Variants in DOCK5 observed in about 807,000 individuals in gnomAD.
DOCK5 encodes the protein dedicator of cytokinesis 5.
In DOCK5, 142 loss-of-function variants were observed where a neutral mutation model predicts 251.8. That is an observed-to-expected ratio of 0.56 (90% CI 0.49 to 0.65). DOCK5 has a LOEUF of 0.65. Among genes scored for constraint, DOCK5 ranks in the 30% least tolerant of loss-of-function variants. The probability of loss-of-function intolerance (pLI) is 0.00; values close to 1 mark genes in which losing one functional copy is unlikely to be tolerated. For missense variants in DOCK5, 2,111 were observed against 2,312.3 expected (o/e 0.91, Z 1.79); for synonymous variants, 842 against 835.5 (o/e 1.01, Z -0.13).
chr8:25,305,185 G>T (rs1320391260), intron 11 of DOCK5: 1 of 151,406 alleles, frequency 6.6e-6, no homozygotes, highest in Admixed American at 6.6e-5. Flanking sequence ...CTGCAGACAA[G>T]TAGAACAAAC....
rs59239520 is a variant in DOCK5 at position 25,331,801 on chromosome 8, TAGAGAGAGAGAGAG to T, written c.1904-422_1904-409del. ...TAATGCATATATATATATATATATA[TAGAGAGAGAGAGAG>T]AGAGAGAGAGAGAGAGAGAGAGAGA... On this transcript the variant is annotated intron_variant, in intron 18 of 51. Transcript: ENST00000276440. Among the ~76,000 whole-genome samples, 782 of 118,316 alleles carry T rather than the reference TAGAGAGAGAGAGAG, an allele frequency of 6.6e-3. 5 individuals carry two copies. Among genetic ancestry groups the T allele is most frequent in the Middle Eastern group, 0.018 (4 of 218 alleles). The allele number at this position is 118,316 out of a possible 152,430, so 77.6% of individuals were successfully genotyped here.
In DOCK5 at chr8:25,369,548, A is replaced by C; in HGVS notation, c.3439-8A>C. 1 of 1,604,746 alleles carries C rather than the reference A, an allele frequency of 6.2e-7. No individual in the cohort carries two copies. Among genetic ancestry groups the C allele is most frequent in the Non-Finnish European group, 8.5e-7 (1 of 1,175,370 alleles). ...CATTATCCTGTGAAATTCTGCCTCTACTTTCAGTTTGAGAATGAGCTGATC... is the reference window on the plus strand; with the variant it reads ...CATTATCCTGTGAAATTCTGCCTCTCCTTTCAGTTTGAGAATGAGCTGATC... On this transcript the variant is annotated splice_region_variant and splice_polypyrimidine_tract_variant and intron_variant, in intron 33 of 51. Transcript: ENST00000276440.
intron 18 of DOCK5, among the ~76,000 whole-genome samples, chr8:25,331,765 T>C (rs1805684993): frequency 6.7e-6 from 1 of 149,752 alleles, no homozygotes; most frequent in African/African-American, 2.5e-5. Flanking sequence ...AGTCATGATG[T>C]TGAAATAAAT....
At chr8:25,298,326 A>C (rs1407249443) in intron 7 of DOCK5, among the ~76,000 whole-genome samples, 2 of 152,120 alleles carry the variant, frequency 1.3e-5, no homozygotes, top group African/African-American at 4.8e-5. Context: ...TTTATCCAGG[A>C]TAATGGATCA....
chr8:25,276,816 A>C (rs758047352), intron 4 of DOCK5: 2 of 152,172 alleles, frequency 1.3e-5, no homozygotes, highest in Non-Finnish European at 2.9e-5. Flanking sequence ...AAGGCAGTGA[A>C]ATTGGTAACA....
chr8:25,204,376 T>G (rs1801949243), intron 1 of DOCK5, among the ~76,000 whole-genome samples: 1 of 152,176 alleles, frequency 6.6e-6, no homozygotes, highest in Non-Finnish European at 1.5e-5. Context: ...CAGTCTCTGT[T>G]ACAGGAGTGA....
At chr8:25,276,642 C>A (rs1804047808) in intron 4 of DOCK5, among the ~76,000 whole-genome samples, 1 of 151,926 alleles carries the variant, frequency 6.6e-6, no homozygotes, top group Admixed American at 6.6e-5. Context: ...TAGTTCAGCA[C>A]CATCATTTCT....
chr8:25,260,839 A>C (rs560289333), intron 2 of DOCK5, among the ~76,000 whole-genome samples: 19 of 150,926 alleles, frequency 1.3e-4, no homozygotes, highest in Non-Finnish European at 2.4e-4. Context: ...TCTGTTGCCC[A>C]GGCTGGAGTG....
At chr8:25,287,884 C>A (rs1804379926) in intron 5 of DOCK5, among the ~76,000 whole-genome samples, 2 of 143,072 alleles carry the variant, frequency 1.4e-5, no homozygotes, top group South Asian at 4.3e-4. Context: ...TTAGCATATG[C>A]TCTTTTTTTT....
intron 45 of DOCK5, among the ~76,000 whole-genome samples, chr8:25,397,374 G>A (rs1414633214): frequency 6.6e-6 from 1 of 152,174 alleles, no homozygotes; most frequent in Non-Finnish European, 1.5e-5. Context: ...CTGCCTACTT[G>A]GAGCAGACGG....
Position 25,331,230 on chromosome 8 carries a change from G to GACACACAC in DOCK5, c.1904-987_1904-980dup, listed in dbSNP as rs60869427. On this transcript the variant is annotated intron_variant, in intron 18 of 51. Transcript: ENST00000276440. ...GTCCAGATAACTGCAGTTTCTCTGT[G>GACACACAC]ACACACACACACACACACACACACA... Among the ~76,000 whole-genome samples the GACACACAC allele has an allele frequency of 2.8e-3, 397 of 140,362 alleles. 2 individuals are homozygous for GACACACAC. The highest frequency in any genetic ancestry group is 5.1e-3 in the African/African-American group (193 of 38,160). 92.1% of individuals were successfully genotyped at this position (140,362 alleles called of 152,430 possible).
At chr8:25,402,045 G>T (rs1447716378) in intron 47 of DOCK5, among the ~76,000 whole-genome samples, 1 of 152,148 alleles carries the variant, frequency 6.6e-6, no homozygotes, top group African/African-American at 2.4e-5. Flanking sequence ...GTGAGTGATG[G>T]TGTAATACGT....
chr8:25,287,276 A>G (rs1804360704), intron 5 of DOCK5, among the ~76,000 whole-genome samples: 2 of 152,172 alleles, frequency 1.3e-5, no homozygotes, highest in African/African-American at 4.8e-5. Context: ...AAAATAAGAA[A>G]ATTATCTCAT....
chr8:25,203,259 G>A (rs1265073755), intron 1 of DOCK5, among the ~76,000 whole-genome samples: 2 of 152,190 alleles, frequency 1.3e-5, no homozygotes, highest in Non-Finnish European at 1.5e-5. Flanking sequence ...AGAGTTGCTT[G>A]CATATAGAAT....
chr8:25,296,595 A>G lies in DOCK5; in HGVS notation c.553A>G (p.Lys185Glu), dbSNP rs756329033. Residue 185 changes from lysine to glutamate, a missense_variant, in exon 7 of 52, where the codon AAG (lysine) becomes GAG (glutamate). This residue lies in a region of DOCK5 where 335 missense variants were observed against 324.9 expected (regional missense o/e 1.03). Transcript: ENST00000276440. Reference protein sequence around the residue: ...PDETSTIALFKAHEVASKRIE... With the variant: ...PDETSTIALFEAHEVASKRIE... ...CGAAACCAGCACCATTGCCCTCTTCAAGGCCCATGAGGTGGCCTCCAAAAG... is the reference window on the plus strand; with the variant it reads ...CGAAACCAGCACCATTGCCCTCTTCGAGGCCCATGAGGTGGCCTCCAAAAG... The G allele has an allele frequency of 7.4e-6, 12 of 1,612,642 alleles. No homozygotes were observed. The highest frequency in any genetic ancestry group is 8.5e-6 in the Non-Finnish European group (10 of 1,179,336).
chr8:25,346,699 C>T (rs1045502358), intron 26 of DOCK5, among the ~76,000 whole-genome samples: 1 of 102,030 alleles, frequency 9.8e-6, no homozygotes, highest in Non-Finnish European at 2.1e-5. Flanking sequence ...TGGCACGCGC[C>T]TATAGTCCCA....
intron 1 of DOCK5, among the ~76,000 whole-genome samples, chr8:25,200,288 A>C (rs923241381): frequency 2.0e-5 from 3 of 152,252 alleles, no homozygotes; most frequent in African/African-American, 7.2e-5. Flanking sequence ...AATATACTCC[A>C]CATGTGGGGA....
chr8:25,260,109 C>T (rs1412234091), intron 2 of DOCK5, among the ~76,000 whole-genome samples: 3 of 152,154 alleles, frequency 2.0e-5, no homozygotes, highest in East Asian at 1.9e-4. Context: ...GACGAGTTTG[C>T]ACCCAGCAGT....
chr8:25,321,621 A>G, intron 16 of DOCK5, among the ~76,000 whole-genome samples: 1 of 152,108 alleles, frequency 6.6e-6, no homozygotes, highest in East Asian at 1.9e-4. Flanking sequence ...GCTGCTGCTG[A>G]TCCAACAGGA....
Sources: gnomAD v4.1 joint callset for allele counts (sites outside exome capture counted in the v4.1 genomes callset) on GRCh38, gnomAD v4.1.1 for gene constraint, gnomAD v4.1.1 regional missense constraint, MANE v1.5 for transcripts, NCBI Gene and HGNC (gene_info 2026-07-23, HGNC 2026-07-21) for gene names.